TMEM182: variants seen among roughly 807,000 people sequenced by gnomAD.
TMEM182 encodes the protein transmembrane protein 182.
In TMEM182, 20 loss-of-function variants were observed where a neutral mutation model predicts 26.8. The observed-to-expected ratio is 0.75, with a 90% confidence interval of 0.53 to 1.09. The LOEUF (loss-of-function observed/expected upper bound fraction) is 1.09, where lower values mean the gene tolerates loss of function less well. Ranked by LOEUF, TMEM182 falls within the 50% of genes least tolerant of loss-of-function variation. The pLI is 0.00. For missense variants in TMEM182, 277 were observed against 275.5 expected (o/e 1.01, Z -0.04); for synonymous variants, 109 against 102.2 (o/e 1.07, Z -0.40).
intron 3 of TMEM182, among the ~76,000 whole-genome samples, chr2:102,830,404 G>C (rs1331968975): frequency 6.6e-6 from 1 of 152,178 alleles, no homozygotes. Context: ...ATATGGTCAA[G>C]GCCATGATCC....
chr2:102,797,688 A>G, intron 3 of TMEM182, 175 bp from the exon 4 acceptor site: 1 of 699,988 alleles, frequency 1.4e-6, no homozygotes, highest in East Asian at 2.9e-5. Context: ...CACTGATTCC[A>G]AGGTCATCTG....
At chr2:102,748,519 G>GAT (rs1679782367) in intron 1 of TMEM182, among the ~76,000 whole-genome samples, 1 of 152,162 alleles carries the variant, frequency 6.6e-6, no homozygotes, top group Non-Finnish European at 1.5e-5. Context: ...CCTATGCTGG[G>GAT]CACTTTACTA....
chr2:102,816,414 C>A lies in TMEM182; in HGVS notation c.*1446C>A. 3.0e-6 allele frequency: 3 copies of A among 985,134 alleles called. No individual in the cohort carries two copies. The South Asian group carries it at 1.4e-4, about 46-fold the overall frequency. The allele number at this position is 985,134 out of a possible 1,614,324, so 61.0% of individuals were successfully genotyped here. On this transcript the variant is annotated 3_prime_UTR_variant, in exon 5 of 5. Coordinates refer to ENST00000412401, the MANE Select transcript of TMEM182 (RefSeq NM_144632.5). ...GGTGATCCCAGTCTTCTCTGTACATCTTGTGCTTTTCCATTAAGACTTGTT... is the reference window on the plus strand; with the variant it reads ...GGTGATCCCAGTCTTCTCTGTACATATTGTGCTTTTCCATTAAGACTTGTT...
At chr2:102,838,424 T>G (rs1683286788) in intron 3 of TMEM182, among the ~76,000 whole-genome samples, 1 of 152,104 alleles carries the variant, frequency 6.6e-6, no homozygotes, top group Non-Finnish European at 1.5e-5. Flanking sequence ...ATGCATAAAA[T>G]GGTACCGATG....
At chr2:102,831,770 AAAAG>A (rs1405580283) in intron 3 of TMEM182, among the ~76,000 whole-genome samples, 1 of 152,114 alleles carries the variant, frequency 6.6e-6, no homozygotes, top group Non-Finnish European at 1.5e-5. Flanking sequence ...AAAAAAAAGA[AAAAG>A]AAGAGTGATG....
downstream of TMEM182, among the ~76,000 whole-genome samples, chr2:102,819,033 T>C (rs900020174): frequency 9.2e-5 from 14 of 152,176 alleles, no homozygotes; most frequent in Admixed American, 5.2e-4. Context: ...TGGGATAAAA[T>C]AAGTGCACAT....
chr2:102,815,947 G>C lies in TMEM182; in HGVS notation c.*979G>C. 1.0e-6 allele frequency: 1 copy of C among 983,452 alleles called. No individual in the cohort carries two copies. 60.9% of individuals were successfully genotyped at this position (983,452 alleles called of 1,614,324 possible). ...ACCATAAAATATTAACTTTCCCCAA[G>C]ATGTTATGGGTTCCAGTTCTTCTGA... On this transcript the variant is annotated 3_prime_UTR_variant, in exon 5 of 5. Transcript: ENST00000412401.
chr2:102,793,719 G>T (rs1226402792), intron 3 of TMEM182, among the ~76,000 whole-genome samples: 1 of 152,098 alleles, frequency 6.6e-6, no homozygotes, highest in Non-Finnish European at 1.5e-5. Context: ...CAATTTGTAT[G>T]ATTTTTATTG....
intron 4 of TMEM182, 128 bp downstream of exon 4, chr2:102,798,128 C>A: frequency 8.4e-7 from 1 of 1,197,542 alleles, no homozygotes; most frequent in Non-Finnish European, 1.1e-6. Context: ...TACAATACTT[C>A]TTGAACACTA....
At chr2:102,769,886 A>G (rs1442251433) in intron 3 of TMEM182, among the ~76,000 whole-genome samples, 4 of 152,210 alleles carry the variant, frequency 2.6e-5, no homozygotes, top group African/African-American at 9.6e-5. Context: ...GAAGTAGAGC[A>G]TGGTGATTTA....
Position 102,762,182 on chromosome 2 carries a change from T to C in TMEM182, c.-36T>C. ...CTAGGTGTCTTACCATTTTAAAATT[T>C]CATATTTTATTTAAAAGGAAACCAG... On this transcript the variant is annotated 5_prime_UTR_variant, in exon 1 of 5. Coordinates refer to ENST00000412401, the MANE Select transcript of TMEM182 (RefSeq NM_144632.5). 6.4e-7 allele frequency: 1 copy of C among 1,554,558 alleles called. No homozygotes were observed. The highest frequency in any genetic ancestry group is 8.8e-7 in the Non-Finnish European group (1 of 1,138,418).
chr2:102,749,534 T>C (rs1356517513), intron 1 of TMEM182, among the ~76,000 whole-genome samples: 1 of 152,208 alleles, frequency 6.6e-6, no homozygotes, highest in Non-Finnish European at 1.5e-5. Context: ...TCTGTAAATA[T>C]ACTAAAAATC....
chr2:102,762,811 A>T, intron 2 of TMEM182, 125 bp downstream of exon 2: 1 of 684,622 alleles, frequency 1.5e-6, no homozygotes, highest in Non-Finnish European at 2.4e-6. Context: ...AGATGTCTTT[A>T]AAAGGTTCAT....
chr2:102,804,743 A>G (rs10193998), intron 4 of TMEM182, among the ~76,000 whole-genome samples: 1,615 of 151,788 alleles, frequency 0.011, 34 homozygotes, highest in African/African-American at 0.037. Flanking sequence ...TTGGTGGTGG[A>G]AAAAAAAAGT....
At chr2:102,770,873 G>T (rs1193108512) in intron 3 of TMEM182, among the ~76,000 whole-genome samples, 1 of 151,922 alleles carries the variant, frequency 6.6e-6, no homozygotes, top group Non-Finnish European at 1.5e-5. Flanking sequence ...CCTTACATTT[G>T]GCAGTTTGAA....
At chr2:102,835,461 A>G (rs1056246240) in intron 3 of TMEM182, among the ~76,000 whole-genome samples, 1 of 152,078 alleles carries the variant, frequency 6.6e-6, no homozygotes, top group Non-Finnish European at 1.5e-5. Context: ...TTCATAACAC[A>G]TCATAACCAC....
intron 4 of TMEM182, among the ~76,000 whole-genome samples, chr2:102,814,403 A>C (rs1682664962): frequency 6.6e-6 from 1 of 152,040 alleles, no homozygotes; most frequent in Non-Finnish European, 1.5e-5. Context: ...CCATTTGTGC[A>C]GTAAAAAAGA....
At chr2:102,824,443 C>A (rs1682991865) in intron 3 of TMEM182, among the ~76,000 whole-genome samples, 1 of 152,100 alleles carries the variant, frequency 6.6e-6, no homozygotes, top group African/African-American at 2.4e-5. Context: ...TTGCTGTTCT[C>A]ATGATAGTGA....
At chr2:102,775,266 A>G (rs1680860042) in intron 3 of TMEM182, 1 of 152,226 alleles carries the variant, frequency 6.6e-6, no homozygotes, top group Admixed American at 6.5e-5. Flanking sequence ...TCCAGCATAT[A>G]AACAGAACCA....
Sources: gnomAD v4.1 joint callset for allele counts (sites outside exome capture counted in the v4.1 genomes callset) on GRCh38, gnomAD v4.1.1 for gene constraint, MANE v1.5 for transcripts, NCBI Gene and HGNC (gene_info 2026-07-23, HGNC 2026-07-21) for gene names.